Variants in TASP1 observed in about 807,000 individuals in gnomAD.
The protein encoded by TASP1 is threonine aspartase 1.
In TASP1, 16 loss-of-function variants were observed where a neutral mutation model predicts 56.6. The ratio of observed to expected loss-of-function variants is 0.28; its 90% CI spans 0.19 to 0.43. The LOEUF (loss-of-function observed/expected upper bound fraction) is 0.43, where lower values mean the gene tolerates loss of function less well. Among genes scored for constraint, TASP1 ranks in the 20% least tolerant of loss-of-function variants. TASP1 has a pLI of 1.00. For synonymous variants in TASP1, 179 were observed against 184.2 expected, an observed-to-expected ratio of 0.97 and a Z score of 0.23; for missense variants, 393 against 511.6, an observed-to-expected ratio of 0.77 and a Z score of 2.24.
chr20:13,134,190 T>C, the TASP1 span, among the ~76,000 whole-genome samples: 4 of 152,184 alleles, frequency 2.6e-5, no homozygotes, highest in Non-Finnish European at 5.9e-5. Flanking sequence ...TCCAGTTGAA[T>C]TGGAAAGAAA....
the TASP1 span, among the ~76,000 whole-genome samples, chr20:13,180,532 CAA>C: frequency 5.3e-5 from 8 of 152,166 alleles, no homozygotes; most frequent in African/African-American, 1.9e-4. Flanking sequence ...TAAGTTCTCC[CAA>C]TATAGAAAGT....
At position 13,636,221 on chromosome 20, in the gene TASP1, C is replaced by A. The variant is rs1458883296; in HGVS notation, c.-75+2673G>T. On this transcript the variant is annotated intron_variant, in intron 1 of 13. Transcript: ENST00000337743. ...AGTGCAGTGGCATGATCTGAACTCA[C>A]TGCAATCTCTGCCTCCCAGGTTCAA... Among the ~76,000 whole-genome samples, 4 of 144,966 alleles carry A rather than the reference C, an allele frequency of 2.8e-5. No homozygotes were observed. In the Admixed American group the frequency reaches 2.8e-4, roughly 10 times the overall value.
intron 4 of TASP1, among the ~76,000 whole-genome samples, chr20:13,598,572 T>C (rs1265525274): frequency 2.0e-5 from 3 of 152,040 alleles, no homozygotes; most frequent in Admixed American, 1.3e-4. Context: ...CCTAAAACCA[T>C]AAAAACCCTA....
the TASP1 span, among the ~76,000 whole-genome samples, chr20:13,366,616 G>T: frequency 6.6e-6 from 1 of 152,132 alleles, no homozygotes; most frequent in East Asian, 1.9e-4. Flanking sequence ...CTATGTGGTT[G>T]ATTTTTCTTT....
At chr20:13,327,996 A>C in the TASP1 span, among the ~76,000 whole-genome samples, 1 of 152,240 alleles carries the variant, frequency 6.6e-6, no homozygotes, top group Non-Finnish European at 1.5e-5. Context: ...CAGCAAAAGA[A>C]ACTATCATTA....
At chr20:13,193,350 G>A in the TASP1 span, among the ~76,000 whole-genome samples, 1 of 152,070 alleles carries the variant, frequency 6.6e-6, no homozygotes, top group South Asian at 2.1e-4. Flanking sequence ...TGTGGTAAGT[G>A]GAAACACCCA....
At chr20:13,505,003 G>A (rs1188844118) in intron 10 of TASP1, among the ~76,000 whole-genome samples, 1 of 151,810 alleles carries the variant, frequency 6.6e-6, no homozygotes, top group African/African-American at 2.4e-5. Context: ...GCAAACAGTG[G>A]CATACAGACC....
chr20:13,215,236 C>T, the TASP1 span, among the ~76,000 whole-genome samples: 3 of 152,232 alleles, frequency 2.0e-5, no homozygotes, highest in Non-Finnish European at 4.4e-5. Context: ...TTCTCTGGGC[C>T]TGTTGCCTCA....
chr20:13,269,533 G>A, the TASP1 span, among the ~76,000 whole-genome samples: 1 of 152,104 alleles, frequency 6.6e-6, no homozygotes, highest in Non-Finnish European at 1.5e-5. Flanking sequence ...AGCTTCGCTG[G>A]CCATTCTGTT....
chr20:13,176,362 G>C, the TASP1 span, among the ~76,000 whole-genome samples: 3 of 152,170 alleles, frequency 2.0e-5, no homozygotes, highest in Non-Finnish European at 4.4e-5. Context: ...TTTGTCATAT[G>C]TGGCCTTTAT....
the TASP1 span, among the ~76,000 whole-genome samples, chr20:13,212,982 A>T: frequency 6.6e-6 from 1 of 152,190 alleles, no homozygotes; most frequent in Admixed American, 6.5e-5. Flanking sequence ...ATTAGTAAAG[A>T]CGTTAGAACC....
the TASP1 span, among the ~76,000 whole-genome samples, chr20:13,143,382 G>A: frequency 6.6e-6 from 1 of 152,194 alleles, no homozygotes; most frequent in African/African-American, 2.4e-5. Flanking sequence ...CTCAAGTTAT[G>A]TCAGACACCC....
At chr20:13,545,093 C>T (rs1414460885) in intron 8 of TASP1, among the ~76,000 whole-genome samples, 1 of 151,882 alleles carries the variant, frequency 6.6e-6, no homozygotes, top group East Asian at 1.9e-4. Flanking sequence ...TATGAATATA[C>T]CCACAAAAAT....
At chr20:13,524,477 T>C (rs1284993127) in intron 10 of TASP1, among the ~76,000 whole-genome samples, 1 of 152,144 alleles carries the variant, frequency 6.6e-6, no homozygotes, top group African/African-American at 2.4e-5. Context: ...GACCCACACA[T>C]ACATTTCTTA....
At chr20:13,399,331 T>C (rs2041654917) in intron 13 of TASP1, among the ~76,000 whole-genome samples, 1 of 152,206 alleles carries the variant, frequency 6.6e-6, no homozygotes. Flanking sequence ...TCTTAGTCCT[T>C]TCTCCTAAAC....
intron 4 of TASP1, among the ~76,000 whole-genome samples, chr20:13,597,851 A>T (rs1458360060): frequency 6.6e-6 from 1 of 152,232 alleles, no homozygotes; most frequent in African/African-American, 2.4e-5. Flanking sequence ...ATACAAAATC[A>T]ATGTGCAAAA....
At chr20:13,249,820 GTTTT>G in the TASP1 span, among the ~76,000 whole-genome samples, 2 of 140,540 alleles carry the variant, frequency 1.4e-5, no homozygotes, top group Non-Finnish European at 3.1e-5. Flanking sequence ...GTTTTGTTTT[GTTTT>G]GTTTTGTTTT....
chr20:13,352,390 C>T, the TASP1 span, among the ~76,000 whole-genome samples: 1 of 146,194 alleles, frequency 6.8e-6, no homozygotes, highest in Non-Finnish European at 1.5e-5. Flanking sequence ...GCAGAGGTAG[C>T]AGTAAGCCAA....
the TASP1 span, among the ~76,000 whole-genome samples, chr20:13,328,922 C>T: frequency 6.6e-6 from 1 of 152,048 alleles, no homozygotes; most frequent in South Asian, 2.1e-4. Flanking sequence ...TGTAACAAAT[C>T]TGCACATCCT....
Sources: gnomAD v4.1 joint callset for allele counts (sites outside exome capture counted in the v4.1 genomes callset) on GRCh38, gnomAD v4.1.1 for gene constraint, MANE v1.5 for transcripts, NCBI Gene and HGNC (gene_info 2026-07-23, HGNC 2026-07-21) for gene names.